GPHN: variants seen among roughly 807,000 people sequenced by gnomAD.
GPHN encodes the protein gephyrin.
Under a neutral mutation model 95.5 loss-of-function variants are expected in GPHN, and 17 were observed. That is an observed-to-expected ratio of 0.18 (90% CI 0.12 to 0.27). The LOEUF is 0.27. GPHN is among the 10% of genes least tolerant of loss of function. GPHN has a pLI of 1.00. For synonymous variants in GPHN, 320 were observed against 322.5 expected, an observed-to-expected ratio of 0.99 and a Z score of 0.08; for missense variants, 660 against 978.1, an observed-to-expected ratio of 0.67 and a Z score of 4.34.
intron 1 of GPHN, among the ~76,000 whole-genome samples, chr14:66,520,134 C>T (rs930202717): frequency 3.3e-5 from 5 of 151,974 alleles, no homozygotes; most frequent in South Asian, 4.1e-4. Context: ...TGATGGACAT[C>T]GAGGTTTCTG....
chr14:66,718,289 A>G (rs1294575351), intron 2 of GPHN, among the ~76,000 whole-genome samples: 1 of 152,100 alleles, frequency 6.6e-6, no homozygotes, highest in Non-Finnish European at 1.5e-5. Context: ...CGCTGACTTC[A>G]GGAATGAAGC....
intron 9 of GPHN, among the ~76,000 whole-genome samples, chr14:66,973,867 A>G (rs913439559): frequency 6.6e-6 from 1 of 152,346 alleles, no homozygotes; most frequent in African/African-American, 2.4e-5. Flanking sequence ...TAGAACATTT[A>G]AAATGTGGGA....
chr14:67,573,881 G>A, the GPHN span: 25 of 1,611,398 alleles, frequency 1.6e-5, no homozygotes, highest in Middle Eastern at 1.7e-4. The surrounding 1 kb of genome is among the most constrained non-coding windows in gnomAD (Gnocchi z 4.8). Context: ...GTTCACAGAC[G>A]TTTCAGGTGA....
At chr14:67,395,720 T>C in the GPHN span, 1 of 646,268 alleles carries the variant, frequency 1.5e-6, no homozygotes, top group Non-Finnish European at 2.7e-6. Flanking sequence ...ACATAGCAGG[T>C]AGTCTTTAAA....
chr14:66,672,550 C>T (rs1046190820), intron 1 of GPHN, among the ~76,000 whole-genome samples: 6 of 152,102 alleles, frequency 3.9e-5, no homozygotes, highest in Admixed American at 3.9e-4. Context: ...ACTCCTTGCA[C>T]TTCTATCAGT....
intron 2 of GPHN, among the ~76,000 whole-genome samples, chr14:66,746,948 G>C (rs1845935025): frequency 6.6e-6 from 1 of 152,068 alleles, no homozygotes; most frequent in Admixed American, 6.6e-5. Context: ...TTGGGGCATA[G>C]AAAAATGAGG....
chr14:67,552,771 A>AG, the GPHN span, among the ~76,000 whole-genome samples: 1 of 151,184 alleles, frequency 6.6e-6, no homozygotes, highest in Non-Finnish European at 1.5e-5. Context: ...TGTCTCAAAA[A>AG]AAAAAAACAA....
intron 1 of GPHN, among the ~76,000 whole-genome samples, chr14:66,678,756 T>C (rs1431104109): frequency 6.6e-6 from 1 of 152,178 alleles, no homozygotes; most frequent in African/African-American, 2.4e-5. Flanking sequence ...GACATATCTA[T>C]AGTGTCATTT....
At chr14:66,790,496 A>G (rs1013533027) in intron 3 of GPHN, among the ~76,000 whole-genome samples, 3 of 152,242 alleles carry the variant, frequency 2.0e-5, no homozygotes, top group Non-Finnish European at 2.9e-5. Context: ...AATGCTCAAG[A>G]TAATTTTTAG....
intron 9 of GPHN, among the ~76,000 whole-genome samples, chr14:67,012,346 T>C (rs2073059829): frequency 6.6e-6 from 1 of 152,204 alleles, no homozygotes; most frequent in Admixed American, 6.5e-5. Context: ...ACAAAAATTG[T>C]ATTCTGTCTT....
intron 8 of GPHN, among the ~76,000 whole-genome samples, chr14:66,935,066 C>T (rs1433032220): frequency 1.3e-5 from 2 of 152,084 alleles, no homozygotes; most frequent in African/African-American, 2.4e-5. Flanking sequence ...AAATCCTGCT[C>T]CTCTGTATTT....
chr14:67,356,922 T>C, the GPHN span, among the ~76,000 whole-genome samples: 4 of 152,232 alleles, frequency 2.6e-5, no homozygotes, highest in African/African-American at 4.8e-5. Flanking sequence ...TTAAGTCAAA[T>C]TGTAGTACTG....
chr14:66,972,680 TATTAA>T (rs1049537201), intron 9 of GPHN, among the ~76,000 whole-genome samples: 2 of 146,124 alleles, frequency 1.4e-5, no homozygotes, highest in African/African-American at 4.9e-5. Flanking sequence ...ATTTAACTAA[TATTAA>T]ATAGTAAATT....
intron 10 of GPHN, among the ~76,000 whole-genome samples, chr14:67,030,994 T>G (rs1567231799): frequency 7.0e-6 from 1 of 142,070 alleles, no homozygotes; most frequent in East Asian, 2.2e-4. Context: ...TTGAAAATAC[T>G]GGGGGTTTTG....
At chr14:66,927,809 T>G (rs1254730466) in intron 8 of GPHN, among the ~76,000 whole-genome samples, 3 of 152,350 alleles carry the variant, frequency 2.0e-5, no homozygotes, top group Non-Finnish European at 2.9e-5. Context: ...ACGGTTTTTG[T>G]CATTCATTCT....
intron 3 of GPHN, among the ~76,000 whole-genome samples, chr14:66,780,972 T>C (rs1246035939): frequency 1.3e-5 from 2 of 152,236 alleles, no homozygotes; most frequent in Admixed American, 1.3e-4. Context: ...TGTATTTTTG[T>C]TATTAAAATA....
chr14:67,199,083 G>A, the GPHN span: 20 of 994,180 alleles, frequency 2.0e-5, no homozygotes, highest in African/African-American at 7.9e-5. Context: ...GCCGATCTCC[G>A]AGCGGAACCA....
chr14:66,706,553 G>A (rs2069096784), intron 2 of GPHN, among the ~76,000 whole-genome samples: 1 of 152,054 alleles, frequency 6.6e-6, no homozygotes, highest in African/African-American at 2.4e-5. Context: ...AAAAAAACAA[G>A]CAATGGGGAA....
At chr14:67,069,251 A>T (rs1397650407) in intron 11 of GPHN, among the ~76,000 whole-genome samples, 1 of 152,206 alleles carries the variant, frequency 6.6e-6, no homozygotes, top group Non-Finnish European at 1.5e-5. Context: ...TCTATTTGGA[A>T]TTCAGCAACT....
Sources: allele counts gnomAD v4.1 joint callset (sites outside exome capture counted in the v4.1 genomes callset), GRCh38; gene constraint gnomAD v4.1.1; non-coding constraint Gnocchi (gnomAD v3.1); transcripts MANE v1.5; gene names NCBI Gene and HGNC (gene_info 2026-07-23, HGNC 2026-07-21).